The following ULK2 variants were observed in gnomAD, a reference collection of about 807,000 sequenced individuals.
ULK2 encodes unc-51 like autophagy activating kinase 2.
Under a neutral mutation model 127.5 loss-of-function variants are expected in ULK2, and 76 were observed. The observed-to-expected ratio is 0.60, with a 90% confidence interval of 0.50 to 0.72. ULK2 has a LOEUF of 0.72. Among genes scored for constraint, ULK2 ranks in the 30% least tolerant of loss-of-function variants. The pLI, the probability that ULK2 is intolerant of heterozygous loss-of-function variation, is 0.00. For synonymous variants in ULK2, 452 were observed against 461.9 expected, an observed-to-expected ratio of 0.98 and a Z score of 0.28; for missense variants, 1,144 against 1,295.9, an observed-to-expected ratio of 0.88 and a Z score of 1.80.
chr17:19,846,958 A>G (rs2152398627), intron 5 of ULK2, 48 bp from the exon 6 acceptor site: 1 of 1,539,656 alleles, frequency 6.5e-7, no homozygotes, highest in East Asian at 2.3e-5. Context: ...AAAATCAAAT[A>G]CCATCTGCAT....
intron 9 of ULK2, among the ~76,000 whole-genome samples, chr17:19,838,869 T>C (rs1264285511): frequency 6.7e-6 from 1 of 149,474 alleles, no homozygotes; most frequent in Middle Eastern, 3.4e-3. Flanking sequence ...CTACTAAAAA[T>C]AGAAAAAAAA....
In ULK2 at chr17:19,816,815, T is replaced by C. The variant is rs2041001269; in HGVS notation, c.1030A>G (p.Lys344Glu). The C allele has an allele frequency of 1.2e-6, 2 of 1,611,616 alleles. No individual in the cohort carries two copies. Among genetic ancestry groups the C allele is most frequent in the African/African-American group, 2.7e-5 (2 of 74,820 alleles). The change falls in exon 13 of 27, where the codon AAG (lysine) becomes GAG (glutamate). Residue 344 changes from lysine to glutamate, a missense_variant. Physicochemically the swap from Lys to Glu is moderately conservative, Grantham distance 56 (BLOSUM62 1). Coordinates refer to ENST00000395544, the MANE Select transcript of ULK2 (RefSeq NM_014683.4). ...VSKDSASTSS[K>E]NSSCDTDDFV... ...TCATCCGTGTCACAAGAAGAGTTCT[T>C]GCTACTAGTACTGGCAGAATCTTTG...
intron 8 of ULK2, 58 bp downstream of exon 8, chr17:19,843,063 C>A: frequency 7.6e-7 from 1 of 1,315,334 alleles, no homozygotes. Context: ...ACAAATCAAA[C>A]GCAACTATAA....
Position 19,865,768 on chromosome 17 carries a change from T to C in ULK2, c.151A>G (p.Ile51Val). ...ATTTTAATTTCCTTTCCAAGCAGTA[T>C]TTGTGATTTTGACAAGTTCTTTTTA... is the stretch of plus-strand genomic sequence containing the variant. Reference protein sequence around the residue: ...INKKNLSKSQILLGKEIKILK... With the variant: ...INKKNLSKSQVLLGKEIKILK... The change falls in exon 2 of 27, where the codon ATA (isoleucine) becomes GTA (valine). Residue 51 changes from isoleucine (I) to valine (V), a missense_variant. By Grantham distance (29) the Ile-to-Val change is conservative. Coordinates refer to ENST00000395544, the MANE Select transcript of ULK2 (RefSeq NM_014683.4). 6.4e-7 allele frequency: 1 copy of C among 1,556,474 alleles called. No individual in the cohort carries two copies. Among genetic ancestry groups the C allele is most frequent in the Non-Finnish European group, 8.8e-7 (1 of 1,136,814 alleles).
intron 6 of ULK2, among the ~76,000 whole-genome samples, chr17:19,846,338 A>T (rs1333090765): frequency 6.6e-6 from 1 of 151,996 alleles, no homozygotes; most frequent in Non-Finnish European, 1.5e-5. Context: ...ATCAGATTGC[A>T]TCAATAAAAT....
intron 9 of ULK2, among the ~76,000 whole-genome samples, chr17:19,839,575 T>C (rs1300422077): frequency 2.0e-5 from 3 of 149,154 alleles, no homozygotes; most frequent in Admixed American, 6.8e-5. Flanking sequence ...GGCAGGAGAA[T>C]GGCTTGAAAC....
chr17:19,823,299 A>G (rs2041207303), intron 12 of ULK2, among the ~76,000 whole-genome samples: 1 of 151,874 alleles, frequency 6.6e-6, no homozygotes, highest in Admixed American at 6.6e-5. Flanking sequence ...TCACTCCTCC[A>G]GTTAGTTCTA....
intron 3 of ULK2, among the ~76,000 whole-genome samples, chr17:19,862,385 G>A (rs759384250): frequency 1.4e-4 from 22 of 151,872 alleles, no homozygotes; most frequent in East Asian, 3.9e-4. Flanking sequence ...ATGAGCCATC[G>A]CAACCAGGCA....
intron 22 of ULK2, among the ~76,000 whole-genome samples, chr17:19,783,234 C>T (rs2086956939): frequency 6.6e-6 from 1 of 151,906 alleles, no homozygotes; most frequent in Non-Finnish European, 1.5e-5. Flanking sequence ...GGGCAGATCA[C>T]AAGGTCAGGA....
At chr17:19,824,446 CAAAAAAAAAA>C (rs397943235) in intron 12 of ULK2, among the ~76,000 whole-genome samples, 1 of 9,904 alleles carries the variant, frequency 1.0e-4, no homozygotes, top group East Asian at 2.8e-3. Context: ...AACTCCATCT[CAAAAAAAAAA>C]AAAAAAAAAA....
At chr17:19,793,695 C>T (rs747098175) in intron 20 of ULK2, among the ~76,000 whole-genome samples, 5 of 152,182 alleles carry the variant, frequency 3.3e-5, no homozygotes, top group Non-Finnish European at 7.3e-5. Flanking sequence ...CTGATACCTA[C>T]AGCTACAGCA....
intron 17 of ULK2, 100 bp from the exon 18 acceptor site, chr17:19,797,782 ATATCT>A (rs2087306812): frequency 3.6e-6 from 4 of 1,119,166 alleles, no homozygotes; most frequent in Non-Finnish European, 3.6e-6. Flanking sequence ...ATTCTGATAA[ATATCT>A]TATTTTTCAT....
Position 19,781,269 on chromosome 17 carries a change from T to G in ULK2, c.2640-165A>C, listed in dbSNP as rs1326372381. 4.8e-5 allele frequency among the ~76,000 whole-genome samples: 7 copies of G among 145,564 alleles called. No homozygotes were observed. In the East Asian group the frequency reaches 1.4e-3, roughly 29 times the overall value. The stretch of plus-strand genomic sequence containing the variant: ...TTTTTTTTTTTTTTTTTTGACAGAG[T>G]CTTGCTCTGTCCCCCAGGCCGAAGT... On this transcript the variant is annotated intron_variant, in intron 23 of 26. Coordinates refer to ENST00000395544, the MANE Select transcript of ULK2 (RefSeq NM_014683.4).
At chr17:19,842,071 C>T (rs1047660950) in intron 8 of ULK2, among the ~76,000 whole-genome samples, 3 of 152,072 alleles carry the variant, frequency 2.0e-5, no homozygotes, top group Non-Finnish European at 4.4e-5. Flanking sequence ...TATTCAGTCT[C>T]TCCACAACAA....
rs2087488589 is a variant in ULK2, at chr17:19,805,141, T to C, written c.1158-311A>G. On this transcript the variant is annotated intron_variant, in intron 14 of 26. Coordinates refer to ENST00000395544, the MANE Select transcript of ULK2 (RefSeq NM_014683.4). ...GTTTCATCCACTCACATTCTGCTAT[T>C]CATTACTATGTGAGAGAAAAAATAT... Among the ~76,000 whole-genome samples, 3 of 152,226 alleles carry C rather than the reference T, an allele frequency of 2.0e-5. No homozygotes were observed. In the South Asian group the frequency reaches 6.2e-4, roughly 32 times the overall value.
rs1433272467 is a variant in ULK2 at position 19,797,412 on chromosome 17, A to C, written c.1793T>G (p.Ile598Ser). 1 of 1,613,282 alleles carries C rather than the reference A, an allele frequency of 6.2e-7. No individual in the cohort carries two copies. Among genetic ancestry groups the C allele is most frequent in the Non-Finnish European group, 8.5e-7 (1 of 1,179,708 alleles). ...TAAACAAACCTTAGTAGGAGAGCCA[A>C]TGATTGTTGGCAAAGGAGTTTTAAA... is the stretch of plus-strand genomic sequence containing the variant. ...WFFKTPLPTI[I>S]GSPTKTTAPF... The change falls in exon 18 of 27, where the codon ATT (isoleucine) becomes AGT (serine). Residue 598 changes from isoleucine to serine, a missense_variant. Physicochemically the swap from Ile to Ser is moderately radical, Grantham distance 142. Transcript: ENST00000395544.
chr17:19,838,678 C>T (rs554084804), intron 9 of ULK2, 95 bp from the exon 10 acceptor site: 6 of 1,011,700 alleles, frequency 5.9e-6, no homozygotes, highest in East Asian at 2.5e-5. Flanking sequence ...AACGTGTATG[C>T]GGTTTCACAA....
At chr17:19,865,968 G>T in intron 1 of ULK2, 140 bp from the exon 2 acceptor site, 2 of 581,964 alleles carry the variant, frequency 3.4e-6, no homozygotes, top group Non-Finnish European at 3.1e-6. Flanking sequence ...ATTGGAAAGT[G>T]ATTTCATAAA....
intron 19 of ULK2, 40 bp downstream of exon 19, chr17:19,796,055 A>C: frequency 6.4e-7 from 1 of 1,571,504 alleles, no homozygotes; most frequent in Non-Finnish European, 8.6e-7. Context: ...TTACTATTAC[A>C]GTTTTCATGT....
Sources: gnomAD v4.1 joint callset for allele counts (sites outside exome capture counted in the v4.1 genomes callset) on GRCh38, gnomAD v4.1.1 for gene constraint, MANE v1.5 for transcripts, NCBI Gene and HGNC (gene_info 2026-07-23, HGNC 2026-07-21) for gene names.